Variants in INPP5B observed in about 807,000 individuals in gnomAD.
INPP5B encodes type II inositol 1,4,5-trisphosphate 5-phosphatase.
INPP5B carries 90 observed loss-of-function variants against 118.5 expected under a neutral mutation model. The observed-to-expected ratio is 0.76, with a 90% CI of 0.64 to 0.90. The LOEUF (loss-of-function observed/expected upper bound fraction) is 0.90, where lower values mean the gene tolerates loss of function less well. Ranked by LOEUF, INPP5B falls within the 40% of genes least tolerant of loss-of-function variation. The pLI is 0.00. For missense variants in INPP5B, 984 were observed against 1,125.6 expected (o/e 0.87, Z 1.80); for synonymous variants, 385 against 418.9 (o/e 0.92, Z 0.99).
intron 7 of INPP5B, among the ~76,000 whole-genome samples, chr1:37,916,636 G>C (rs1050656411): frequency 3.3e-5 from 5 of 151,860 alleles, no homozygotes; most frequent in African/African-American, 9.7e-5. Flanking sequence ...GGCTGGTCTC[G>C]AACTCCCGAC....
chr1:37,881,415 G>C (rs1191724639), intron 14 of INPP5B, among the ~76,000 whole-genome samples: 1 of 152,144 alleles, frequency 6.6e-6, no homozygotes, highest in Non-Finnish European at 1.5e-5. Flanking sequence ...AACCACAGGT[G>C]CTCTTCCCTC....
Position 37,887,082 on chromosome 1 carries a change from T to C in INPP5B, c.1015-78A>G, listed in dbSNP as rs1030868238. Reference sequence around the variant, plus strand: ...CCCAAAGGAAACATAGTCTGGAAGCTGGCTGAGAGTATTCACGTGTCTCCT... The same window carrying C: ...CCCAAAGGAAACATAGTCTGGAAGCCGGCTGAGAGTATTCACGTGTCTCCT... On this transcript the variant is annotated intron_variant, in intron 11 of 23. Coordinates refer to ENST00000373024, the MANE Select transcript of INPP5B (RefSeq NM_005540.3). 94 of 1,193,994 alleles carry C rather than the reference T, an allele frequency of 7.9e-5. 1 individual carries two copies. The South Asian group carries it at 1.1e-3, about 14-fold the overall frequency. The allele number at this position is 1,193,994 out of a possible 1,614,324, so 74.0% of individuals were successfully genotyped here.
Position 37,887,355 on chromosome 1 carries a change from G to C in INPP5B, c.1010C>G (p.Ala337Gly). ...SEGLHPDAKY[A>G]KVKLIRLVGI... ...GGTCCCTGACTCCTCTCTTACCTTT[G>C]CATATTTGGCATCTGGATGAAGACC... is the stretch of plus-strand genomic sequence containing the variant. Residue 337 changes from alanine (A) to glycine (G), a missense_variant, in exon 11 of 24, where the codon GCA becomes GGA. This residue lies in a region of INPP5B where 634 missense variants were observed against 791.0 expected (regional missense o/e 0.80). Coordinates refer to ENST00000373024, the MANE Select transcript of INPP5B (RefSeq NM_005540.3). The C allele has an allele frequency of 1.9e-6, 3 of 1,577,796 alleles. No individual in the cohort carries two copies. The highest frequency in any genetic ancestry group is 2.6e-6 in the Non-Finnish European group (3 of 1,149,090).
chr1:37,876,876 T>C (rs961510512), intron 16 of INPP5B, among the ~76,000 whole-genome samples: 2 of 150,092 alleles, frequency 1.3e-5, no homozygotes, highest in African/African-American at 4.9e-5. Flanking sequence ...CAAGACTCCA[T>C]CTCAAAAAAA....
chr1:37,911,075 G>A (rs984846082), intron 7 of INPP5B, among the ~76,000 whole-genome samples: 4 of 152,114 alleles, frequency 2.6e-5, no homozygotes, highest in East Asian at 1.9e-4. Context: ...CCGGGACCGC[G>A]CCCTGGAGCC....
intron 17 of INPP5B, 125 bp from the exon 18 acceptor site, chr1:37,874,280 T>A: frequency 3.1e-6 from 2 of 653,916 alleles, no homozygotes; most frequent in Non-Finnish European, 4.7e-6. Context: ...GTTTCTGCTT[T>A]AAGTATCTAC....
intron 16 of INPP5B, among the ~76,000 whole-genome samples, chr1:37,876,225 C>T (rs1293204632): frequency 3.3e-5 from 5 of 151,590 alleles, no homozygotes; most frequent in African/African-American, 1.2e-4. Flanking sequence ...TACCTCAGCC[C>T]CCCAAGTAGC....
intron 7 of INPP5B, chr1:37,931,627 G>GC: frequency 6.5e-7 from 1 of 1,533,990 alleles, no homozygotes. Context: ...GCGCACCGCC[G>GC]CCCCCGGCCC....
chr1:37,919,835 CG>C (rs1295277096), intron 7 of INPP5B, among the ~76,000 whole-genome samples: 16 of 151,938 alleles, frequency 1.1e-4, no homozygotes, highest in Non-Finnish European at 1.5e-4. Flanking sequence ...CCCAGCTACT[CG>C]GGAGGCTGAG....
At chr1:37,872,027 G>A (rs1234205570) in intron 19 of INPP5B, among the ~76,000 whole-genome samples, 4 of 128,254 alleles carry the variant, frequency 3.1e-5, no homozygotes, top group Admixed American at 9.4e-5. Context: ...TTGAGCCACC[G>A]CACTCCAGCC....
chr1:37,913,966 C>A (rs1260577704), intron 7 of INPP5B, among the ~76,000 whole-genome samples: 1 of 152,048 alleles, frequency 6.6e-6, no homozygotes, highest in Admixed American at 6.6e-5. Flanking sequence ...TTCTACCCCC[C>A]CACTTAAGAA....
chr1:37,943,597 C>T (rs774713725), intron 5 of INPP5B, 43 bp downstream of exon 5: 8 of 1,603,248 alleles, frequency 5.0e-6, no homozygotes, highest in African/African-American at 4.0e-5. Context: ...GAAAATCAGG[C>T]ACCCCTGCCC....
chr1:37,885,633 C>T lies in INPP5B; in HGVS notation c.1319+5G>A. 6.2e-7 allele frequency: 1 copy of T among 1,613,048 alleles called. No individual in the cohort carries two copies. Among genetic ancestry groups the T allele is most frequent in the Non-Finnish European group, 8.5e-7 (1 of 1,179,770 alleles). ...GAACCGCATGGGGTGGAAGCCCAGACTCACTCATGGTTGCTGATGGTGAGA... is the reference window on the plus strand; with the variant it reads ...GAACCGCATGGGGTGGAAGCCCAGATTCACTCATGGTTGCTGATGGTGAGA... On this transcript the variant is annotated splice_donor_5th_base_variant and intron_variant, in intron 13 of 23. Transcript: ENST00000373024.
chr1:37,913,446 A>C (rs1644768001), intron 7 of INPP5B, among the ~76,000 whole-genome samples: 1 of 152,084 alleles, frequency 6.6e-6, no homozygotes, highest in Non-Finnish European at 1.5e-5. Flanking sequence ...GGGTCCTCCC[A>C]ATTCTTAGTC....
At position 37,890,083 on chromosome 1, in the gene INPP5B, G is replaced by A. The variant is rs148018021; in HGVS notation, c.630-359C>T. ...GTGGCAGAGTATGGGATTCAATCATGTAATTGACAAGCCGGGCATGGTGAC... is the reference window on the plus strand; with the variant it reads ...GTGGCAGAGTATGGGATTCAATCATATAATTGACAAGCCGGGCATGGTGAC... On this transcript the variant is annotated intron_variant, in intron 8 of 23. Transcript: ENST00000373024. 1.1e-3 allele frequency among the ~76,000 whole-genome samples: 172 copies of A among 152,272 alleles called. 5 individuals are homozygous for A. In the South Asian group the frequency reaches 0.015, roughly 13 times the overall value.
chr1:37,910,146 C>T (rs1040467164), intron 7 of INPP5B, among the ~76,000 whole-genome samples: 1 of 152,162 alleles, frequency 6.6e-6, no homozygotes, highest in Admixed American at 6.5e-5. Flanking sequence ...CCGATCGCCT[C>T]GGAAGCCTAC....
chr1:37,924,847 G>A (rs1373675193), intron 7 of INPP5B, among the ~76,000 whole-genome samples: 1 of 152,128 alleles, frequency 6.6e-6, no homozygotes, highest in South Asian at 2.1e-4. Flanking sequence ...AGACCAGCCT[G>A]GCCAACATGG....
At chr1:37,929,513 C>A (rs554445635) in intron 7 of INPP5B, 1 of 152,238 alleles carries the variant, frequency 6.6e-6, no homozygotes, top group African/African-American at 2.4e-5. Flanking sequence ...AAACAATCTA[C>A]TACTCTGTTT....
intron 7 of INPP5B, among the ~76,000 whole-genome samples, chr1:37,910,118 G>A (rs1644641275): frequency 6.6e-6 from 1 of 152,214 alleles, no homozygotes; most frequent in African/African-American, 2.4e-5. Flanking sequence ...CAGCTTAGCG[G>A]CTGAAGACTG....
Sources: allele counts gnomAD v4.1 joint callset (sites outside exome capture counted in the v4.1 genomes callset), GRCh38; gene constraint gnomAD v4.1.1; regional missense constraint gnomAD v4.1.1; transcripts MANE v1.5; gene names NCBI Gene and HGNC (gene_info 2026-07-23, HGNC 2026-07-21).